DNAI1: variants seen among roughly 807,000 people sequenced by gnomAD.
DNAI1 encodes the protein dynein axonemal intermediate chain 1.
Under a neutral mutation model 92.0 loss-of-function variants are expected in DNAI1, and 67 were observed. The ratio of observed to expected loss-of-function variants is 0.73; its 90% CI spans 0.60 to 0.89. The LOEUF (loss-of-function observed/expected upper bound fraction) is 0.89. Ranked by LOEUF, DNAI1 falls within the 40% of genes least tolerant of loss-of-function variation. The pLI is 0.00. For synonymous variants in DNAI1, 323 were observed against 319.6 expected (o/e 1.01, Z -0.11); for missense variants, 839 against 866.6 (o/e 0.97, Z 0.40).
rs1377794195 is a variant in DNAI1, at chr9:34,485,504, G to A, written c.248G>A (p.Arg83Lys). 6.2e-7 allele frequency: 1 copy of A among 1,614,114 alleles called. No homozygotes were observed. The highest frequency in any genetic ancestry group is 2.2e-5 in the East Asian group (1 of 44,882). ...CCACACGCACCCCAGAACATTGTCA[G>A]GTACAGCTTCAAAGTAAGTCATCCC... The part of the protein sequence containing the change: ...NNPHAPQNIV[R>K]YSFKEGTYKP... The change falls in exon 4 of 20, where the codon AGG becomes AAG. Residue 83 changes from arginine to lysine, a missense_variant. Physicochemically the swap from Arg to Lys is conservative, Grantham distance 26. Coordinates refer to ENST00000242317, the MANE Select transcript of DNAI1 (RefSeq NM_012144.4).
chr9:34,478,878 C>A (rs972623307), intron 1 of DNAI1: 1 of 152,196 alleles, frequency 6.6e-6, no homozygotes, highest in Non-Finnish European at 1.5e-5. Context: ...GTAGACCAGA[C>A]CCAGAGACTA....
At chr9:34,520,530 G>A in intron 19 of DNAI1, 128 bp from the exon 20 acceptor site, 2 of 830,298 alleles carry the variant, frequency 2.4e-6, no homozygotes, top group East Asian at 5.3e-5. Context: ...GGGAGGCAGG[G>A]ATCCAGAATT....
chr9:34,484,047 C>G (rs1003167389), intron 2 of DNAI1, among the ~76,000 whole-genome samples: 27 of 152,288 alleles, frequency 1.8e-4, no homozygotes, highest in Middle Eastern at 6.8e-3. Context: ...GAAACCCCAT[C>G]TCTACTAAAA....
In DNAI1 at chr9:34,490,498, C is replaced by T; in HGVS notation, c.621+10C>T. The T allele has an allele frequency of 6.2e-7, 1 of 1,613,898 alleles. No individual in the cohort carries two copies. Among genetic ancestry groups the T allele is most frequent in the Non-Finnish European group, 8.5e-7 (1 of 1,180,020 alleles). On this transcript the variant is annotated intron_variant, in intron 7 of 19. Coordinates refer to ENST00000242317, the MANE Select transcript of DNAI1 (RefSeq NM_012144.4). ...CAACAACCCTGTCCGGGTAGAGCAG[C>T]CCCCACCCTAGCCCCTTTGCAGCTC...
chr9:34,490,837 TTGA>T (rs929044919), intron 7 of DNAI1, among the ~76,000 whole-genome samples: 1 of 152,182 alleles, frequency 6.6e-6, no homozygotes, highest in African/African-American at 2.4e-5. Flanking sequence ...TCAACTGAAG[TTGA>T]TGATCTCTGT....
At chr9:34,503,010 C>T (rs139794224) in intron 12 of DNAI1, among the ~76,000 whole-genome samples, 2 of 152,276 alleles carry the variant, frequency 1.3e-5, no homozygotes, top group African/African-American at 4.8e-5. Context: ...CATTCTTTCT[C>T]GTAGCTTTCC....
In DNAI1 at chr9:34,480,272, C is replaced by CTTTT. The variant is rs202115133; in HGVS notation, c.49-3155_49-3152dup. ...ATTTTTGTTGGTTTGTTTGGTGGAA[C>CTTTT]TTTTTTTTTTTTTTTTTTTTTTTTG... On this transcript the variant is annotated intron_variant, in intron 1 of 19. Coordinates refer to ENST00000242317, the MANE Select transcript of DNAI1 (RefSeq NM_012144.4). 4.3e-3 allele frequency among the ~76,000 whole-genome samples: 430 copies of CTTTT among 99,362 alleles called. 10 individuals are homozygous for CTTTT. The highest frequency in any genetic ancestry group is 7.4e-3 in the African/African-American group (186 of 25,196). The allele number at this position is 99,362 out of a possible 152,430, so 65.2% of individuals were successfully genotyped here.
Position 34,490,070 on chromosome 9 carries a change from G to A in DNAI1, c.447G>A (p.Glu149=), listed in dbSNP as rs1371790403. The A allele has an allele frequency of 1.9e-6, 3 of 1,614,194 alleles. No individual in the cohort carries two copies. The highest frequency in any genetic ancestry group is 3.3e-5 in the Admixed American group (2 of 60,024). The stretch of plus-strand genomic sequence containing the variant: ...CAGGAAACCTCGAAGAAGACGAAGA[G>A]CCCAAGGAGTTAGAAACTGAGCCTG... ...SETGNLEEDE[E]PKELETEPGS... is the part of the protein sequence containing the mutation. Residue 149 remains glutamate, a synonymous_variant, in exon 6 of 20, where the codon GAG becomes GAA. Transcript: ENST00000242317.
rs185422812 is a variant in DNAI1, at chr9:34,482,301, G to A, written c.49-1147G>A. Among the ~76,000 whole-genome samples the A allele has an allele frequency of 1.2e-3, 179 of 150,096 alleles. 5 individuals are homozygous for A. In the East Asian group the frequency reaches 0.014, roughly 12 times the overall value. ...CCAGAGCAGCTAGATACAGAGTGTC[G>A]ATTGGTGCACTCACAAACCTTGAGC... On this transcript the variant is annotated intron_variant, in intron 1 of 19. Transcript: ENST00000242317.
chr9:34,486,049 A>G (rs1010229604), intron 4 of DNAI1, among the ~76,000 whole-genome samples: 1 of 152,148 alleles, frequency 6.6e-6, no homozygotes, highest in Non-Finnish European at 1.5e-5. Flanking sequence ...TGGGTGGGTA[A>G]GTTCTGACCT....
At chr9:34,488,135 G>A in intron 4 of DNAI1, 2 of 317,654 alleles carry the variant, frequency 6.3e-6, no homozygotes, top group Non-Finnish European at 1.3e-5. Context: ...CAGACACTGT[G>A]TTAATAGGTT....
At position 34,506,631 on chromosome 9, in the gene DNAI1, C is replaced by T; in HGVS notation, c.1068C>T (p.Asp356=). ...CCGCCCATCTTCCCTGGGTAGATGACTTCATGAAGCAGAGCCGGGGCATGC... is the reference window on the plus strand; with the variant it reads ...CCGCCCATCTTCCCTGGGTAGATGATTTCATGAAGCAGAGCCGGGGCATGC... ...DLFAVGYGSY[D]FMKQSRGMLL... The change falls in exon 13 of 20, where the codon GAC becomes GAT. Residue 356 remains aspartate (D), a synonymous_variant. Transcript: ENST00000242317. The T allele has an allele frequency of 1.2e-6, 2 of 1,614,178 alleles. No homozygotes were observed. The highest frequency in any genetic ancestry group is 2.2e-5 in the South Asian group (2 of 91,088).
rs766816816 is a variant in DNAI1 at position 34,513,180 on chromosome 9, A to G, written c.1558A>G (p.Lys520Glu). ...GTTCCTAGTGGGCACAGAGGAGGGA[A>G]AAATCTACAAGGTGAGGCTGCCCTG... ...YMFLVGTEEG[K>E]IYKCSKSYSS... The change falls in exon 16 of 20, where the codon AAA becomes GAA. Residue 520 changes from lysine (K) to glutamate (E), a missense_variant. Coordinates refer to ENST00000242317, the MANE Select transcript of DNAI1 (RefSeq NM_012144.4). 1.9e-6 allele frequency: 3 copies of G among 1,614,074 alleles called. No homozygotes were observed. Among genetic ancestry groups the G allele is most frequent in the Non-Finnish European group, 2.5e-6 (3 of 1,179,936 alleles).
intron 1 of DNAI1, among the ~76,000 whole-genome samples, chr9:34,469,511 C>T (rs762630713): frequency 6.6e-6 from 1 of 151,912 alleles, no homozygotes; most frequent in Non-Finnish European, 1.5e-5. Flanking sequence ...AAGTGATCCT[C>T]CTGCCTCAGC....
intron 4 of DNAI1, 181 bp from the exon 5 acceptor site, chr9:34,489,142 C>A: frequency 1.5e-6 from 1 of 676,154 alleles, no homozygotes; most frequent in Non-Finnish European, 2.5e-6. Flanking sequence ...CATTTGTCTT[C>A]TCTTCCTTTT....
intron 14 of DNAI1, 31 bp from the exon 15 acceptor site, chr9:34,512,305 TC>T (rs34464281): frequency 8.7e-6 from 14 of 1,610,274 alleles, no homozygotes; most frequent in African/African-American, 8.0e-5. Context: ...CCACGTGCCC[TC>T]CCCCCCACAT....
chr9:34,507,109 C>A (rs1485031468), intron 13 of DNAI1, among the ~76,000 whole-genome samples: 2 of 152,152 alleles, frequency 1.3e-5, no homozygotes, highest in Non-Finnish European at 2.9e-5. Flanking sequence ...GGAGGGCCCC[C>A]ACCTGTTTGC....
At chr9:34,468,777 G>A (rs1174656249) in intron 1 of DNAI1, among the ~76,000 whole-genome samples, 1 of 151,660 alleles carries the variant, frequency 6.6e-6, no homozygotes, top group African/African-American at 2.4e-5. Context: ...AGTGAGCTGC[G>A]GCTGTGCCAC....
rs1587085165 is a variant in DNAI1 at position 34,506,876 on chromosome 9, T to A, written c.1311+2T>A. On this transcript the variant is annotated splice_donor_variant, in intron 13 of 19. Coordinates refer to ENST00000242317, the MANE Select transcript of DNAI1 (RefSeq NM_012144.4). LOFTEE classifies it high-confidence loss of function. Reference sequence around the variant, plus strand: ...AAGCACTCAGACCCTGTGTGGCAGGTCAGCAACCAGGCTGGGAGGGGTGGG... The same window carrying A: ...AAGCACTCAGACCCTGTGTGGCAGGACAGCAACCAGGCTGGGAGGGGTGGG... 6.2e-7 allele frequency: 1 copy of A among 1,613,462 alleles called. No homozygotes were observed. The highest frequency in any genetic ancestry group is 8.5e-7 in the Non-Finnish European group (1 of 1,179,824).
Sources: gnomAD v4.1 joint callset for allele counts (sites outside exome capture counted in the v4.1 genomes callset) on GRCh38, gnomAD v4.1.1 for gene constraint, MANE v1.5 for transcripts, NCBI Gene and HGNC (gene_info 2026-07-23, HGNC 2026-07-21) for gene names.